The following TEPSIN variants were observed in gnomAD, a reference collection of about 807,000 sequenced individuals.
TEPSIN encodes AP-4 complex accessory subunit tepsin.
In TEPSIN, 50 loss-of-function variants were observed where a neutral mutation model predicts 48.5. The observed-to-expected ratio is 1.03, with a 90% CI of 0.82 to 1.31. The LOEUF (loss-of-function observed/expected upper bound fraction) is 1.31. Among genes scored for constraint, TEPSIN ranks in the 50% most tolerant of loss-of-function variants. TEPSIN has a pLI of 0.00. For missense variants in TEPSIN, 838 were observed against 815.9 expected (o/e 1.03, Z -0.33); for synonymous variants, 392 against 358.8 (o/e 1.09, Z -1.05).
intron 2 of TEPSIN, 48 bp from the exon 3 acceptor site, chr17:81,237,119 C>A (rs565624091): frequency 7.5e-5 from 114 of 1,528,496 alleles, no homozygotes; most frequent in Non-Finnish European, 7.6e-5. Flanking sequence ...AGGGCTGCGC[C>A]AGGCCGCAGG....
Position 81,231,926 on chromosome 17 carries a change from T to C in TEPSIN, c.826A>G (p.Arg276Gly). 1.2e-6 allele frequency: 2 copies of C among 1,613,676 alleles called. No homozygotes were observed. The highest frequency in any genetic ancestry group is 1.7e-6 in the Non-Finnish European group (2 of 1,179,988). Residue 276 changes from arginine (R) to glycine (G), a missense_variant, in exon 9 of 13, where the codon AGG (arginine) becomes GGG (glycine). By Grantham distance (125) the Arg-to-Gly change is moderately radical. Coordinates refer to ENST00000637944, the MANE Select transcript of TEPSIN (RefSeq NM_001363764.2). The stretch of plus-strand genomic sequence containing the variant: ...GAATGACTGCCCGAGTCCGAGACCC[T>C]GCTCAGGTCGCTGTTCTGGGAGGAA... The part of the protein sequence containing the change: ...QNSSQNSDLS[R>G]VSDSGSHSGS...
intron 2 of TEPSIN, 93 bp from the exon 3 acceptor site, chr17:81,237,164 C>T: frequency 7.4e-7 from 1 of 1,345,238 alleles, no homozygotes; most frequent in Non-Finnish European, 1.0e-6. Flanking sequence ...GTTCACGCTC[C>T]CTGGAGGCGC....
At chr17:81,235,288 C>T (rs2062700871) in intron 4 of TEPSIN, among the ~76,000 whole-genome samples, 1 of 152,218 alleles carries the variant, frequency 6.6e-6, no homozygotes, top group Non-Finnish European at 1.5e-5. Flanking sequence ...CTGCCAGCTG[C>T]GTTTTCTTTC....
At position 81,233,048 on chromosome 17, in the gene TEPSIN, G is replaced by A. The variant is rs946576183; in HGVS notation, c.526+384C>T. On this transcript the variant is annotated intron_variant, in intron 7 of 12. Transcript: ENST00000637944. The surrounding 1 kb of genome is among the most constrained non-coding windows in gnomAD (Gnocchi z 5.8). Reference sequence around the variant, plus strand: ...TGGTGCCACCTGTGGCTCTCCTGGCGCTGGTGAGCAGTTGTCCACTGGTAC... The same window carrying A: ...TGGTGCCACCTGTGGCTCTCCTGGCACTGGTGAGCAGTTGTCCACTGGTAC... 8.4e-5 allele frequency: 24 copies of A among 284,596 alleles called. No individual in the cohort carries two copies. In the East Asian group the frequency reaches 1.1e-3, roughly 13 times the overall value. The allele number at this position is 284,596 out of a possible 1,614,324, so 17.6% of individuals were successfully genotyped here.
rs1031835448 is a variant in TEPSIN, at chr17:81,234,441, C to T, written c.308-393G>A. Reference sequence around the variant, plus strand: ...ATCACAGCCTGAAAGCTCCACCTAGCCCCACCCAACCCCAGTCTCAGCCGC... The same window carrying T: ...ATCACAGCCTGAAAGCTCCACCTAGTCCCACCCAACCCCAGTCTCAGCCGC... On this transcript the variant is annotated intron_variant, in intron 4 of 12. Coordinates refer to ENST00000637944, the MANE Select transcript of TEPSIN (RefSeq NM_001363764.2). The surrounding 1 kb of genome is among the most constrained non-coding windows in gnomAD (Gnocchi z 5.4). Among the ~76,000 whole-genome samples, 3 of 152,098 alleles carry T rather than the reference C, an allele frequency of 2.0e-5. No homozygotes were observed. The highest frequency in any genetic ancestry group is 2.9e-5 in the Non-Finnish European group (2 of 68,000).
chr17:81,229,648 C>CGGCGA, intron 12 of TEPSIN, 172 bp from the exon 13 acceptor site: 2 of 662,570 alleles, frequency 3.0e-6, no homozygotes, highest in Admixed American at 6.2e-5. Context: ...CAGTTGTCAT[C>CGGCGA]CCACCGAGAG....
Position 81,234,173 on chromosome 17 carries a change from G to T in TEPSIN, c.308-125C>A. 1 of 774,646 alleles carries T rather than the reference G, an allele frequency of 1.3e-6. No individual in the cohort carries two copies. The highest frequency in any genetic ancestry group is 2.0e-6 in the Non-Finnish European group (1 of 505,332). The allele number at this position is 774,646 out of a possible 1,614,324, so 48.0% of individuals were successfully genotyped here. On this transcript the variant is annotated intron_variant, in intron 4 of 12. Coordinates refer to ENST00000637944, the MANE Select transcript of TEPSIN (RefSeq NM_001363764.2). The surrounding 1 kb of genome is among the most constrained non-coding windows in gnomAD (Gnocchi z 5.4). ...CTGCCACCAAGGCCCTTCTGTCACAGCCAATGGGATGCCCTCCTCCAGGAC... is the reference window on the plus strand; with the variant it reads ...CTGCCACCAAGGCCCTTCTGTCACATCCAATGGGATGCCCTCCTCCAGGAC...
In TEPSIN at chr17:81,232,321, G is replaced by A. The variant is rs1184081568; in HGVS notation, c.724C>T (p.Pro242Ser). The A allele has an allele frequency of 6.5e-7, 1 of 1,528,482 alleles. No individual in the cohort carries two copies. The highest frequency in any genetic ancestry group is 8.8e-7 in the Non-Finnish European group (1 of 1,141,382). 94.7% of individuals were successfully genotyped at this position (1,528,482 alleles called of 1,614,324 possible). The change falls in exon 8 of 13, where the codon CCC (proline) becomes TCC (serine). Residue 242 changes from proline (P) to serine (S), a missense_variant. By Grantham distance (74) the Pro-to-Ser change is moderately conservative. Coordinates refer to ENST00000637944, the MANE Select transcript of TEPSIN (RefSeq NM_001363764.2). ...GNLLPGAIPG[P>S]RAVRHQPGQA... ...GGAGCCCTCGCCTCGATACCTCGGG[G>A]ACCTGGAATGGCCCCGGGGAGTAGG... is the stretch of plus-strand genomic sequence containing the variant.
intron 3 of TEPSIN, 67 bp downstream of exon 3, chr17:81,236,913 C>T: frequency 6.5e-7 from 1 of 1,534,398 alleles, no homozygotes; most frequent in Non-Finnish European, 8.8e-7. Flanking sequence ...GGCCGCTCGT[C>T]TGCTCCTCCA....
rs113605911 is a variant in TEPSIN at position 81,230,896 on chromosome 17, A to G, written c.1099-218T>C. On this transcript the variant is annotated intron_variant, in intron 11 of 12. Transcript: ENST00000637944. This position sits in a 1 kb window ranked among gnomAD's most constrained non-coding sequence, Gnocchi z 4.2. ...CTCACCACCTTACACCCCCGCTCCC[A>G]GACACCAGAGCCCTGTCTTCACCGC... is the stretch of plus-strand genomic sequence containing the variant. 8,665 of 578,686 alleles carry G rather than the reference A, an allele frequency of 0.015. 140 individuals are homozygous for G. The highest frequency in any genetic ancestry group is 0.073 in the African/African-American group (3,188 of 43,614). 35.8% of individuals were successfully genotyped at this position (578,686 alleles called of 1,614,324 possible). A position where few individuals can be genotyped will look rare whatever the true frequency, so the allele number is the denominator to read the frequency against.
chr17:81,237,925 TC>T, intron 1 of TEPSIN: 1 of 980,648 alleles, frequency 1.0e-6, no homozygotes, highest in African/African-American at 1.8e-5. Context: ...GCTCCATCGC[TC>T]CCCGAGAACC....
chr17:81,232,812 G>C (rs928007512), intron 7 of TEPSIN: 3 of 394,052 alleles, frequency 7.6e-6, no homozygotes, highest in African/African-American at 4.2e-5. Context: ...CTTGGCCTTG[G>C]CTCAGGGAGG....
rs1334621171 is a variant in TEPSIN at position 81,228,972 on chromosome 17, G to T, written c.1738C>A (p.Pro580Thr). 6.2e-7 allele frequency: 1 copy of T among 1,613,842 alleles called. No individual in the cohort carries two copies. Among genetic ancestry groups the T allele is most frequent in the South Asian group, 1.1e-5 (1 of 91,078 alleles). ...AAAGCTGACGGCTCTGAGCCAGGAG[G>T]CTCTTTGGCTGCTGTCCTCTGGGAC... ...TSSQRTAAKE[P>T]PGSEPSAFAF... is the part of the protein sequence containing the mutation. Residue 580 changes from proline to threonine, a missense_variant, in exon 13 of 13, where the codon CCT becomes ACT. Physicochemically the swap from Pro to Thr is conservative, Grantham distance 38. Coordinates refer to ENST00000637944, the MANE Select transcript of TEPSIN (RefSeq NM_001363764.2).
chr17:81,231,271 A>T, intron 11 of TEPSIN, 127 bp downstream of exon 11: 1 of 1,006,378 alleles, frequency 9.9e-7, no homozygotes, highest in Non-Finnish European at 1.4e-6. Context: ...GCGCACGCAC[A>T]GCCACACAGA....
chr17:81,236,650 A>T, intron 4 of TEPSIN, 58 bp downstream of exon 4: 1 of 1,503,964 alleles, frequency 6.6e-7, no homozygotes, highest in Non-Finnish European at 9.0e-7. Flanking sequence ...AGGATCCGCC[A>T]CCCTCCCCCA....
In TEPSIN at chr17:81,229,282, A is replaced by T; in HGVS notation, c.1428T>A (p.Ser476=). Residue 476 remains serine (S), a synonymous_variant, in exon 13 of 13, where the codon TCT becomes TCA. Coordinates refer to ENST00000637944, the MANE Select transcript of TEPSIN (RefSeq NM_001363764.2). ...TGGGCACAGGGCTGGACGGCATCCC[A>T]GATGAGGGAGCAGGGCTCCGGGACG... ...PVSSRSPAPS[S]GMPSSPVPTP... 1 of 1,577,220 alleles carries T rather than the reference A, an allele frequency of 6.3e-7. No homozygotes were observed.
intron 4 of TEPSIN, 50 bp downstream of exon 4, chr17:81,236,658 C>T: frequency 6.6e-7 from 1 of 1,522,892 alleles, no homozygotes; most frequent in Non-Finnish European, 8.9e-7. Context: ...CCACCCTCCC[C>T]CATTCTCCAA....
At position 81,233,508 on chromosome 17, in the gene TEPSIN, A is replaced by T; in HGVS notation, c.455-5T>A. 1 of 1,595,536 alleles carries T rather than the reference A, an allele frequency of 6.3e-7. No individual in the cohort carries two copies. Among genetic ancestry groups the T allele is most frequent in the Admixed American group, 1.7e-5 (1 of 58,258 alleles). On this transcript the variant is annotated splice_polypyrimidine_tract_variant and splice_region_variant and intron_variant, in intron 6 of 12. Transcript: ENST00000637944. The surrounding 1 kb of genome is among the most constrained non-coding windows in gnomAD (Gnocchi z 5.8). ...GCCTGGCCTGGGAGCCCATGCCTGC[A>T]GAGGGTCCTCCGTTAGCAGCAAGCC...
At chr17:81,238,290 G>A (rs956825476) in intron 1 of TEPSIN, 1 of 493,584 alleles carries the variant, frequency 2.0e-6, no homozygotes, top group Non-Finnish European at 2.6e-6. Flanking sequence ...GACAACTGCA[G>A]AACGCAGCAC....
Sources: allele counts gnomAD v4.1 joint callset (sites outside exome capture counted in the v4.1 genomes callset), GRCh38; gene constraint gnomAD v4.1.1; non-coding constraint Gnocchi (gnomAD v3.1); transcripts MANE v1.5; gene names NCBI Gene and HGNC (gene_info 2026-07-23, HGNC 2026-07-21).